Variants in NOX3 observed in about 807,000 individuals in gnomAD.
NOX3 encodes the protein NADPH oxidase catalytic subunit-like 3.
In NOX3, 74 loss-of-function variants were observed where a neutral mutation model predicts 76.7. The observed-to-expected ratio is 0.96, with a 90% CI of 0.80 to 1.17. The LOEUF is 1.17. Ranked by LOEUF, NOX3 falls within the 50% of genes most tolerant of loss-of-function variation. NOX3 has a pLI of 0.00. For missense variants in NOX3, 695 were observed against 703.3 expected, an observed-to-expected ratio of 0.99 and a Z score of 0.13; for synonymous variants, 263 against 261.1, an observed-to-expected ratio of 1.01 and a Z score of -0.07.
intron 10 of NOX3, among the ~76,000 whole-genome samples, chr6:155,414,623 C>CTTT (rs72348061): frequency 0.011 from 1,250 of 113,610 alleles, 53 homozygotes; most frequent in African/African-American, 0.033. Flanking sequence ...TCTTTTCTTT[C>CTTT]TTTTTTTTTT....
chr6:155,449,215 T>C lies in NOX3; in HGVS notation c.340+4189A>G, dbSNP rs546050728. Among the ~76,000 whole-genome samples the C allele has an allele frequency of 1.2e-3, 178 of 152,276 alleles. 1 individual carries two copies. The highest frequency in any genetic ancestry group is 4.1e-3 in the African/African-American group (169 of 41,556). ...TGCCCTTGTTATGTTTATTGATGTT[T>C]GTAGACTAATTTTAGCAACTCATCA... On this transcript the variant is annotated intron_variant, in intron 4 of 13. Coordinates refer to ENST00000159060, the MANE Select transcript of NOX3 (RefSeq NM_015718.3).
At position 155,429,151 on chromosome 6, in the gene NOX3, G is replaced by C. The variant is rs1776799367; in HGVS notation, c.892-104C>G. On this transcript the variant is annotated intron_variant, in intron 8 of 13. Transcript: ENST00000159060. ...AAAATTTTAGATCAGCTTGTTTCAG[G>C]TGTAATTTACATATCCCATCTGCTG... 1.7e-5 allele frequency: 20 copies of C among 1,203,898 alleles called. No homozygotes were observed. The South Asian group carries it at 3.9e-4, about 23-fold the overall frequency. 74.6% of individuals were successfully genotyped at this position (1,203,898 alleles called of 1,614,324 possible).
In NOX3 at chr6:155,440,007, G is replaced by C. The variant is rs1408095727; in HGVS notation, c.617C>G (p.Thr206Arg). 5 of 1,613,940 alleles carry C rather than the reference G, an allele frequency of 3.1e-6. No individual in the cohort carries two copies. In the African/African-American group the frequency reaches 6.7e-5, roughly 22 times the overall value. The change falls in exon 6 of 14, where the codon ACA becomes AGA. Residue 206 changes from threonine (T) to arginine (R), a missense_variant. Physicochemically the swap from Thr to Arg is moderately conservative, Grantham distance 71. Transcript: ENST00000159060. ...RQASYELFWY[T>R]HHVFIVFFLS... The stretch of plus-strand genomic sequence containing the variant: ...AAAGAAGACGATGAAAACATGGTGT[G>C]TGTACCAGAACAACTCATAGGAGGC...
At chr6:155,404,731 T>C (rs1159492726) in intron 12 of NOX3, among the ~76,000 whole-genome samples, 1 of 152,054 alleles carries the variant, frequency 6.6e-6, no homozygotes, top group Non-Finnish European at 1.5e-5. Context: ...CTTCCCAGGG[T>C]GTAAACACTC....
chr6:155,413,389 C>T (rs1256421053), intron 10 of NOX3, among the ~76,000 whole-genome samples: 1 of 151,596 alleles, frequency 6.6e-6, no homozygotes, highest in East Asian at 1.9e-4. Flanking sequence ...GGCTTTGGGG[C>T]CGTTGTAGAC....
intron 10 of NOX3, among the ~76,000 whole-genome samples, chr6:155,422,373 G>C (rs1029832190): frequency 2.6e-5 from 4 of 152,140 alleles, no homozygotes; most frequent in Non-Finnish European, 4.4e-5. Context: ...AGGAGAGGTT[G>C]CCTCTTAATA....
intron 10 of NOX3, among the ~76,000 whole-genome samples, chr6:155,419,786 T>A (rs950186539): frequency 1.3e-5 from 2 of 152,174 alleles, no homozygotes; most frequent in African/African-American, 2.4e-5. Flanking sequence ...GTATGAATTT[T>A]AAAATTTTTG....
At position 155,445,959 on chromosome 6, in the gene NOX3, A is replaced by AT. The variant is rs1777057346; in HGVS notation, c.341-2542dup. 1.1e-4 allele frequency among the ~76,000 whole-genome samples: 14 copies of AT among 122,278 alleles called. No individual in the cohort carries two copies. In the South Asian group the frequency reaches 3.8e-3, roughly 33 times the overall value. The allele number at this position is 122,278 out of a possible 152,430, so 80.2% of individuals were successfully genotyped here. A position where few individuals can be genotyped will look rare whatever the true frequency, so the allele number is the denominator to read the frequency against. ...TATAGATATATAATATATATATGCT[A>AT]TATATATATAATATATATATGCTAT... is the stretch of plus-strand genomic sequence containing the variant. On this transcript the variant is annotated intron_variant, in intron 4 of 13. Transcript: ENST00000159060.
intron 12 of NOX3, among the ~76,000 whole-genome samples, chr6:155,402,943 A>G (rs1779253673): frequency 6.6e-6 from 1 of 152,242 alleles, no homozygotes; most frequent in Non-Finnish European, 1.5e-5. Flanking sequence ...ACGACAGGAC[A>G]GAACCGTCTT....
At chr6:155,422,638 A>T in intron 10 of NOX3, 56 bp downstream of exon 10, 4 of 1,537,424 alleles carry the variant, frequency 2.6e-6, no homozygotes, top group Non-Finnish European at 3.6e-6. Flanking sequence ...GATGATAGAT[A>T]TAAGGACATT....
At chr6:155,413,428 G>A (rs1475632514) in intron 10 of NOX3, among the ~76,000 whole-genome samples, 1 of 152,044 alleles carries the variant, frequency 6.6e-6, no homozygotes, top group East Asian at 1.9e-4. Flanking sequence ...GAAAGCACAG[G>A]GAGTTGGCGA....
chr6:155,436,162 C>A (rs1776900741), intron 7 of NOX3, among the ~76,000 whole-genome samples: 1 of 152,140 alleles, frequency 6.6e-6, no homozygotes, highest in Non-Finnish European at 1.5e-5. Context: ...CATCATTGTG[C>A]TGTTATGAAT....
At position 155,411,350 on chromosome 6, in the gene NOX3, T is replaced by G. The variant is rs924242298; in HGVS notation, c.1319A>C (p.Tyr440Ser). The G allele has an allele frequency of 4.3e-6, 7 of 1,613,382 alleles. No homozygotes were observed. Among genetic ancestry groups the G allele is most frequent in the Admixed American group, 1.7e-5 (1 of 59,958 alleles). The change falls in exon 11 of 14, where the codon TAC (tyrosine) becomes TCC (serine). Residue 440 changes from tyrosine to serine, a missense_variant. By Grantham distance (144) the Tyr-to-Ser change is moderately radical. Transcript: ENST00000159060. ...TPLKLSKVYF[Y>S]WICRDARAFE... is the part of the protein sequence containing the mutation. ...AGCTCTTGCATCCCGGCAAATCCAG[T>G]AGAAATACACCTGTCAAGAGAGAAG...
intron 10 of NOX3, among the ~76,000 whole-genome samples, chr6:155,412,858 A>G (rs1281456643): frequency 2.0e-5 from 3 of 152,204 alleles, no homozygotes; most frequent in African/African-American, 2.4e-5. Context: ...GGCCAAAAAA[A>G]ATTGCTGTCC....
chr6:155,426,995 G>GTGTGTGTA (rs1776764428), intron 9 of NOX3, among the ~76,000 whole-genome samples: 3 of 119,300 alleles, frequency 2.5e-5, no homozygotes, highest in African/African-American at 1.0e-4. Context: ...GTGTGTGTGT[G>GTGTGTGTA]TGTGTGTGTG....
chr6:155,416,280 G>C (rs777157029), intron 10 of NOX3, among the ~76,000 whole-genome samples: 3 of 152,192 alleles, frequency 2.0e-5, no homozygotes, highest in Non-Finnish European at 2.9e-5. Context: ...GCATAGAGGG[G>C]AATCAGGATC....
chr6:155,402,487 A>C lies in NOX3; in HGVS notation c.1580+4643T>G, dbSNP rs775622554. Among the ~76,000 whole-genome samples the C allele has an allele frequency of 3.3e-4, 50 of 152,078 alleles. 1 individual carries two copies. Among genetic ancestry groups the C allele is most frequent in the South Asian group, 1.0e-3 (5 of 4,824 alleles). On this transcript the variant is annotated intron_variant, in intron 12 of 13. Coordinates refer to ENST00000159060, the MANE Select transcript of NOX3 (RefSeq NM_015718.3). ...CAAAAACAATAGAACACACTTTTCT[A>C]TTTTCTGTCAGCCTTTGATCTATTT...
Position 155,455,786 on chromosome 6 carries a change from C to G in NOX3, c.15G>C (p.Trp5Cys). 1.2e-6 allele frequency: 2 copies of G among 1,613,942 alleles called. No homozygotes were observed. The highest frequency in any genetic ancestry group is 1.7e-6 in the Non-Finnish European group (2 of 1,179,844). The change falls in exon 1 of 14, where the codon TGG (tryptophan) becomes TGC (cysteine). Residue 5 changes from tryptophan (W) to cysteine (C), a missense_variant. Physicochemically the swap from Trp to Cys is radical, Grantham distance 215 (BLOSUM62 -2). Coordinates refer to ENST00000159060, the MANE Select transcript of NOX3 (RefSeq NM_015718.3). MMGC[W>C]ILNEGLSTIL... is the part of the protein sequence containing the mutation. ...TGGTGGAGAGACCCTCATTCAAAAT[C>G]CAGCACCCCATCATGATACTTGTTG...
At chr6:155,436,058 C>G (rs989299169) in intron 7 of NOX3, among the ~76,000 whole-genome samples, 4 of 152,104 alleles carry the variant, frequency 2.6e-5, no homozygotes, top group Non-Finnish European at 5.9e-5. Flanking sequence ...CAGTAATTCT[C>G]AGACTGGGAT....
Sources: allele counts gnomAD v4.1 joint callset (sites outside exome capture counted in the v4.1 genomes callset), GRCh38; gene constraint gnomAD v4.1.1; transcripts MANE v1.5; gene names NCBI Gene and HGNC (gene_info 2026-07-23, HGNC 2026-07-21).